Variants in ARHGEF10L observed in about 807,000 individuals in gnomAD.
ARHGEF10L encodes rho guanine nucleotide exchange factor 10-like protein.
Under a neutral mutation model 141.2 loss-of-function variants are expected in ARHGEF10L, and 69 were observed. The ratio of observed to expected loss-of-function variants is 0.49; its 90% confidence interval spans 0.40 to 0.60. The LOEUF (loss-of-function observed/expected upper bound fraction) is 0.60. Among genes scored for constraint, ARHGEF10L ranks in the 20% least tolerant of loss-of-function variants. The probability of loss-of-function intolerance (pLI) is 0.00; values close to 1 mark genes in which losing one functional copy is unlikely to be tolerated. For synonymous variants in ARHGEF10L, 711 were observed against 718.5 expected, an observed-to-expected ratio of 0.99 and a Z score of 0.17; for missense variants, 1,482 against 1,734.3, an observed-to-expected ratio of 0.85 and a Z score of 2.58.
intron 1 of ARHGEF10L, among the ~76,000 whole-genome samples, chr1:17,568,665 A>T (rs970533735): frequency 2.0e-5 from 3 of 151,914 alleles, no homozygotes; most frequent in Non-Finnish European, 4.4e-5. Flanking sequence ...TACTAGGGGG[A>T]GTTTAGGACC....
intron 22 of ARHGEF10L, among the ~76,000 whole-genome samples, chr1:17,653,400 T>C (rs2062044015): frequency 6.6e-6 from 1 of 152,176 alleles, no homozygotes; most frequent in African/African-American, 2.4e-5. Flanking sequence ...TTTTCCACCA[T>C]CTTCGACCCG....
intron 26 of ARHGEF10L, among the ~76,000 whole-genome samples, chr1:17,674,562 G>T (rs6694446): frequency 0.026 from 3,909 of 152,290 alleles, 175 homozygotes; most frequent in African/African-American, 0.09. Flanking sequence ...GAGTGAGAGC[G>T]GGGTGGGCCA....
intron 1 of ARHGEF10L, among the ~76,000 whole-genome samples, chr1:17,565,346 T>C (rs1469792906): frequency 2.0e-5 from 3 of 152,228 alleles, no homozygotes; most frequent in Non-Finnish European, 4.4e-5. Flanking sequence ...GCACAGGCCC[T>C]GGAAGCCCTC....
At position 17,613,044 on chromosome 1, in the gene ARHGEF10L, G is replaced by T. The variant is rs764094235; in HGVS notation, c.610-14G>T. ...TCACCTGCTTTCCTTCTGCCTGGCC[G>T]CTTGGGGCTCCAGCTTTCTCCAGAC... is the stretch of plus-strand genomic sequence containing the variant. On this transcript the variant is annotated splice_polypyrimidine_tract_variant and intron_variant, in intron 7 of 28. Transcript: ENST00000361221. 4 of 1,598,446 alleles carry T rather than the reference G, an allele frequency of 2.5e-6. No homozygotes were observed. Among genetic ancestry groups the T allele is most frequent in the East Asian group, 2.2e-5 (1 of 44,730 alleles).
chr1:17,541,095 G>A (rs999358037), intron 1 of ARHGEF10L, among the ~76,000 whole-genome samples: 1 of 152,164 alleles, frequency 6.6e-6, no homozygotes, highest in South Asian at 2.1e-4. Context: ...AAGGCTTCCT[G>A]GGGTGCCCGA....
In ARHGEF10L at chr1:17,655,884, G is replaced by C. The variant is rs776440484; in HGVS notation, c.2487G>C (p.Gly829=). 4.5e-6 allele frequency: 7 copies of C among 1,553,604 alleles called. No individual in the cohort carries two copies. Among genetic ancestry groups the C allele is most frequent in the Non-Finnish European group, 6.1e-6 (7 of 1,148,502 alleles). ...CTCTGGGTCTCTGCTCCCAGGTCGG[G>C]GGCGGACAGGAAGGCGCAGGGGGCC... is the stretch of plus-strand genomic sequence containing the variant. ...TSLPQGYLWV[G]GGQEGAGGQV... The change falls in exon 24 of 29, where the codon GGG becomes GGC. Residue 829 remains glycine (G), a synonymous_variant. Coordinates refer to ENST00000361221, the MANE Select transcript of ARHGEF10L (RefSeq NM_018125.4).
chr1:17,635,975 T>A (rs570232515), intron 18 of ARHGEF10L, among the ~76,000 whole-genome samples: 1 of 152,162 alleles, frequency 6.6e-6, no homozygotes, highest in Admixed American at 6.5e-5. Context: ...CACCACCTAC[T>A]CTTGCCGTCT....
In ARHGEF10L at chr1:17,623,224, C is replaced by T. The variant is rs759696904; in HGVS notation, c.1200+49C>T. 6.9e-6 allele frequency: 11 copies of T among 1,585,558 alleles called. No homozygotes were observed. Among genetic ancestry groups the T allele is most frequent in the Non-Finnish European group, 9.5e-6 (11 of 1,163,798 alleles). ...CCAGCCCACCAAGGTAAAACCACAACCAGTCTGACCCCGGGGCCATGCAGT... is the reference window on the plus strand; with the variant it reads ...CCAGCCCACCAAGGTAAAACCACAATCAGTCTGACCCCGGGGCCATGCAGT... On this transcript the variant is annotated intron_variant, in intron 12 of 28. Transcript: ENST00000361221. The surrounding 1 kb of genome is among the most constrained non-coding windows in gnomAD (Gnocchi z 4.7).
chr1:17,635,920 C>A (rs1414184044), intron 18 of ARHGEF10L, among the ~76,000 whole-genome samples: 2 of 152,168 alleles, frequency 1.3e-5, no homozygotes, highest in African/African-American at 4.8e-5. Context: ...CAGGAGGCTG[C>A]CTCATGGGCC....
intron 21 of ARHGEF10L, among the ~76,000 whole-genome samples, chr1:17,643,850 G>T (rs1263131785): frequency 2.6e-5 from 4 of 152,180 alleles, no homozygotes; most frequent in Non-Finnish European, 5.9e-5. Context: ...GAGGTCACAC[G>T]CGATTTAGTA....
At chr1:17,680,845 G>A (rs903771381) in intron 26 of ARHGEF10L, among the ~76,000 whole-genome samples, 8 of 150,078 alleles carry the variant, frequency 5.3e-5, no homozygotes, top group South Asian at 2.1e-4. Context: ...TTGCAGTGGC[G>A]TGATCTCGGC....
At chr1:17,585,001 AC>A (rs2078903647) in intron 2 of ARHGEF10L, among the ~76,000 whole-genome samples, 1 of 152,244 alleles carries the variant, frequency 6.6e-6, no homozygotes, top group African/African-American at 2.4e-5. Flanking sequence ...ATAATTCAAT[AC>A]CAAATGTATT....
At chr1:17,566,389 T>G (rs528064617) in intron 1 of ARHGEF10L, among the ~76,000 whole-genome samples, 24 of 152,282 alleles carry the variant, frequency 1.6e-4, no homozygotes, top group Non-Finnish European at 3.5e-4. Context: ...CTCCCATAGA[T>G]CTGTAAAGCT....
chr1:17,595,977 T>C lies in ARHGEF10L; in HGVS notation c.258-6150T>C, dbSNP rs554686608. 1.1e-3 allele frequency among the ~76,000 whole-genome samples: 161 copies of C among 152,308 alleles called. 1 individual carries two copies. Among genetic ancestry groups the C allele is most frequent in the Admixed American group, 3.2e-3 (49 of 15,304 alleles). ...ACCCTGGTCCACATTCAGTAACTTG[T>C]CCCGGTGCACACAGCCAAGTGGCTG... On this transcript the variant is annotated intron_variant, in intron 4 of 28. Coordinates refer to ENST00000361221, the MANE Select transcript of ARHGEF10L (RefSeq NM_018125.4).
At chr1:17,527,972 G>A in the ARHGEF10L span, among the ~76,000 whole-genome samples, 2 of 151,052 alleles carry the variant, frequency 1.3e-5, no homozygotes, top group East Asian at 2.0e-4. Flanking sequence ...GGGTTCAAGC[G>A]ATTCTCCTGC....
At chr1:17,520,060 C>T in the ARHGEF10L span, among the ~76,000 whole-genome samples, 5 of 152,300 alleles carry the variant, frequency 3.3e-5, no homozygotes, top group African/African-American at 9.6e-5. Context: ...GGGCAGTGGT[C>T]GGAGCTCAGC....
rs16829871 is a variant in ARHGEF10L, at chr1:17,638,025, T to C, written c.2043+22T>C. On this transcript the variant is annotated intron_variant, in intron 19 of 28. Transcript: ENST00000361221. ...CCAGGTACGTGGCCTGGCCTGACCTTTTTGGCCTGAGCTCCCCAGTGTGGG... is the reference window on the plus strand; with the variant it reads ...CCAGGTACGTGGCCTGGCCTGACCTCTTTGGCCTGAGCTCCCCAGTGTGGG... The C allele has an allele frequency of 8.9e-3, 13,919 of 1,556,528 alleles. 1,020 individuals are homozygous for C. In the African/African-American group the frequency reaches 0.16, roughly 18 times the overall value.
chr1:17,690,338 C>A (rs527659818), intron 27 of ARHGEF10L, among the ~76,000 whole-genome samples: 1 of 152,340 alleles, frequency 6.6e-6, no homozygotes, highest in Non-Finnish European at 1.5e-5. Context: ...AGCTTCCCAT[C>A]CTCGGTCCCT....
chr1:17,545,817 C>T lies in ARHGEF10L; in HGVS notation c.-44+5867C>T, dbSNP rs116474427. Among the ~76,000 whole-genome samples, 487 of 152,196 alleles carry T rather than the reference C, an allele frequency of 3.2e-3. 3 individuals are homozygous for T. The highest frequency in any genetic ancestry group is 0.01 in the African/African-American group (424 of 41,496). ...ATGTTACATACAGTGGAGGGATGTG[C>T]GGAGTGTAGCAGGGGAATGGGGTAG... is the stretch of plus-strand genomic sequence containing the variant. On this transcript the variant is annotated intron_variant, in intron 1 of 28. Coordinates refer to ENST00000361221, the MANE Select transcript of ARHGEF10L (RefSeq NM_018125.4).
Sources: allele counts gnomAD v4.1 joint callset (sites outside exome capture counted in the v4.1 genomes callset), GRCh38; gene constraint gnomAD v4.1.1; non-coding constraint Gnocchi (gnomAD v3.1); transcripts MANE v1.5; gene names NCBI Gene and HGNC (gene_info 2026-07-23, HGNC 2026-07-21).